The following GOLGA5 variants were observed in gnomAD, a reference collection of about 807,000 sequenced individuals.
GOLGA5 encodes golgin A5, also known as golgin subfamily A member 5.
Under a neutral mutation model 93.5 loss-of-function variants are expected in GOLGA5, and 50 were observed. The ratio of observed to expected loss-of-function variants is 0.53; its 90% CI spans 0.43 to 0.68. GOLGA5 has a LOEUF of 0.68. Ranked by LOEUF, GOLGA5 falls within the 30% of genes least tolerant of loss-of-function variation. GOLGA5 has a pLI of 0.00. For missense variants in GOLGA5, 760 were observed against 856.4 expected (o/e 0.89, Z 1.40); for synonymous variants, 312 against 304.5 (o/e 1.02, Z -0.26).
chr14:92,797,361 A>G lies in GOLGA5; in HGVS notation c.-30-47A>G. On this transcript the variant is annotated intron_variant, in intron 1 of 12. Transcript: ENST00000163416. ...CAGAGTCTGGTCTTAACCATTTATC[A>G]TACTCTGCCACTATGCCACACTGAT... 2.7e-6 allele frequency: 3 copies of G among 1,115,704 alleles called. No homozygotes were observed. The Admixed American group carries it at 7.0e-5, about 26-fold the overall frequency. 69.1% of individuals were successfully genotyped at this position (1,115,704 alleles called of 1,614,324 possible). A position where few individuals can be genotyped will look rare whatever the true frequency, so the allele number is the denominator to read the frequency against.
intron 12 of GOLGA5, among the ~76,000 whole-genome samples, chr14:92,838,767 G>A (rs111300030): frequency 1.4e-4 from 21 of 152,154 alleles, no homozygotes; most frequent in African/African-American, 4.8e-4. Context: ...GATTTCCCAG[G>A]TGTTAGTGAT....
chr14:92,811,162 C>T (rs553083318), intron 5 of GOLGA5, among the ~76,000 whole-genome samples: 5 of 152,018 alleles, frequency 3.3e-5, no homozygotes, highest in African/African-American at 1.2e-4. Flanking sequence ...TAATTTACAC[C>T]TATTTATTTA....
At chr14:92,832,872 A>G (rs544511160) in intron 9 of GOLGA5, among the ~76,000 whole-genome samples, 1 of 152,314 alleles carries the variant, frequency 6.6e-6, no homozygotes, top group East Asian at 1.9e-4. Flanking sequence ...ATACTTTTAT[A>G]TATACTATAT....
intron 4 of GOLGA5, 81 bp from the exon 5 acceptor site, chr14:92,810,173 G>T: frequency 1.1e-6 from 1 of 951,312 alleles, no homozygotes. Context: ...CTTGACTAAA[G>T]CTGACGCTCT....
chr14:92,796,656 TAACAG>T (rs1884733885), intron 1 of GOLGA5, among the ~76,000 whole-genome samples: 1 of 152,096 alleles, frequency 6.6e-6, no homozygotes, highest in Admixed American at 6.5e-5. Flanking sequence ...GTTCAGCCCA[TAACAG>T]ATGCTTTTGC....
intron 8 of GOLGA5, among the ~76,000 whole-genome samples, chr14:92,824,174 A>G (rs943496477): frequency 8.5e-5 from 13 of 152,106 alleles, no homozygotes; most frequent in Non-Finnish European, 1.3e-4. Flanking sequence ...TCTTTATCAT[A>G]TATTTTATGA....
chr14:92,822,447 T>C (rs71430775), intron 8 of GOLGA5, among the ~76,000 whole-genome samples: 1 of 152,246 alleles, frequency 6.6e-6, no homozygotes, highest in Non-Finnish European at 1.5e-5. Flanking sequence ...ATTTTTGGAT[T>C]GGCATGTGCT....
chr14:92,798,022 A>G, intron 2 of GOLGA5, 41 bp downstream of exon 2: 1 of 1,243,570 alleles, frequency 8.0e-7, no homozygotes, highest in Non-Finnish European at 1.1e-6. Flanking sequence ...AGTTAAGCAA[A>G]TTGAATGTGT....
At chr14:92,803,435 T>A (rs1202295007) in intron 2 of GOLGA5, among the ~76,000 whole-genome samples, 1 of 152,254 alleles carries the variant, frequency 6.6e-6, no homozygotes, top group Non-Finnish European at 1.5e-5. Context: ...GTATTCCTTC[T>A]TTTTCTGTTG....
rs114468078 is a variant in GOLGA5, at chr14:92,798,631, A to G, written c.544+650A>G. On this transcript the variant is annotated intron_variant, in intron 2 of 12. Transcript: ENST00000163416. ...ACCTACTAACTGTTTTAAAATAGCT[A>G]TAGGCTGGGCGTGGTGGCTTACACC... Among the ~76,000 whole-genome samples the G allele has an allele frequency of 2.8e-3, 431 of 152,354 alleles. 2 individuals carry two copies. The highest frequency in any genetic ancestry group is 9.8e-3 in the African/African-American group (409 of 41,586).
rs1885577573 is a variant in GOLGA5, at chr14:92,833,689, A to ATAGT, written c.1945+345_1945+348dup. Among the ~76,000 whole-genome samples, 9 of 152,326 alleles carry ATAGT rather than the reference A, an allele frequency of 5.9e-5. No homozygotes were observed. The South Asian group carries it at 1.7e-3, about 28-fold the overall frequency. On this transcript the variant is annotated intron_variant, in intron 10 of 12. Coordinates refer to ENST00000163416, the MANE Select transcript of GOLGA5 (RefSeq NM_005113.4). ...ATTTGCTTTAATAATCTTCCAGTAAATAGTTACGGGTATTAGAGCTAATAC... is the reference window on the plus strand; with the variant it reads ...ATTTGCTTTAATAATCTTCCAGTAAATAGTTAGTTACGGGTATTAGAGCTAATAC...
intron 12 of GOLGA5, 64 bp from the exon 13 acceptor site, chr14:92,839,302 A>G: frequency 1.0e-6 from 1 of 982,480 alleles, no homozygotes; most frequent in South Asian, 1.3e-5. Context: ...CCCTCAGTGT[A>G]CAGTGGGCCT....
Position 92,824,623 on chromosome 14 carries a change from A to C in GOLGA5, c.1698A>C (p.Glu566Asp), listed in dbSNP as rs1299146844. The change falls in exon 9 of 13, where the codon GAA becomes GAC. Residue 566 changes from glutamate to aspartate, a missense_variant. Coordinates refer to ENST00000163416, the MANE Select transcript of GOLGA5 (RefSeq NM_005113.4). ...LQSRIKDRDE[E>D]IQKLRNQLTN... ...GCAGAATTAAAGATCGAGACGAAGA[A>C]ATTCAAAAACTCAGGAATCAGGTAT... 1.3e-6 allele frequency: 2 copies of C among 1,591,234 alleles called. No homozygotes were observed. The highest frequency in any genetic ancestry group is 2.7e-5 in the African/African-American group (2 of 74,302).
chr14:92,799,809 G>A (rs1326838885), intron 2 of GOLGA5, among the ~76,000 whole-genome samples: 2 of 150,582 alleles, frequency 1.3e-5, no homozygotes, highest in Middle Eastern at 3.5e-3. Flanking sequence ...GTTTCATCAC[G>A]TTGGCCAGGC....
In GOLGA5 at chr14:92,839,436, A is replaced by T. The variant is rs765395091; in HGVS notation, c.2186A>T (p.Tyr729Phe). 1.0e-5 allele frequency: 16 copies of T among 1,606,156 alleles called. No homozygotes were observed. The highest frequency in any genetic ancestry group is 1.2e-5 in the Non-Finnish European group (14 of 1,175,600). ...YTPEMHHDQP[Y>F]GK is the part of the protein sequence containing the mutation. ...CCAGAAATGCACCACGACCAACCAT[A>T]TGGCAAATGAACCAAGCCCAGTTGT... The change falls in exon 13 of 13, where the codon TAT becomes TTT. Residue 729 changes from tyrosine to phenylalanine, a missense_variant. Transcript: ENST00000163416.
chr14:92,811,856 G>A (rs374355921), intron 6 of GOLGA5, 102 bp downstream of exon 6: 56 of 834,546 alleles, frequency 6.7e-5, no homozygotes, highest in East Asian at 2.9e-4. Flanking sequence ...GTTCATGTTC[G>A]TCTGATTGGC....
chr14:92,800,886 A>G (rs1884857066), intron 2 of GOLGA5, among the ~76,000 whole-genome samples: 1 of 152,264 alleles, frequency 6.6e-6, no homozygotes, highest in Admixed American at 6.5e-5. Flanking sequence ...CAGGGAAATG[A>G]ATTAGAACTG....
At chr14:92,835,514 T>C (rs1262323676) in intron 10 of GOLGA5, 45 bp from the exon 11 acceptor site, 2 of 1,308,638 alleles carry the variant, frequency 1.5e-6, no homozygotes, top group South Asian at 1.2e-5. Context: ...ATTGTCTTAG[T>C]TAATTTTTAT....
intron 1 of GOLGA5, among the ~76,000 whole-genome samples, chr14:92,796,972 G>A (rs1332159763): frequency 1.0e-4 from 5 of 49,374 alleles, no homozygotes; most frequent in African/African-American, 2.7e-4. Context: ...GCGAGACTCC[G>A]TCTCAAAAAA....
Sources: gnomAD v4.1 joint callset for allele counts (sites outside exome capture counted in the v4.1 genomes callset) on GRCh38, gnomAD v4.1.1 for gene constraint, MANE v1.5 for transcripts, NCBI Gene and HGNC (gene_info 2026-07-23, HGNC 2026-07-21) for gene names.